MAP4: variants seen among roughly 807,000 people sequenced by gnomAD.
MAP4 encodes the protein microtubule-associated protein 4.
A neutral mutation model predicts 170.2 loss-of-function variants in MAP4; 76 were observed. The ratio of observed to expected loss-of-function variants is 0.45; its 90% CI spans 0.37 to 0.54. The LOEUF (loss-of-function observed/expected upper bound fraction) is 0.54. Among genes scored for constraint, MAP4 ranks in the 20% least tolerant of loss-of-function variants. The probability of loss-of-function intolerance (pLI) is 0.00; values close to 1 mark genes in which losing one functional copy is unlikely to be tolerated. For synonymous variants in MAP4, 909 were observed against 994.5 expected (o/e 0.91, Z 1.62); for missense variants, 2,506 against 2,748.0 (o/e 0.91, Z 1.97).
intron 1 of MAP4, among the ~76,000 whole-genome samples, chr3:48,042,979 T>A (rs780437120): frequency 3.3e-5 from 5 of 152,196 alleles, no homozygotes; most frequent in Non-Finnish European, 7.3e-5. Context: ...GGGTTTATTG[T>A]ATTAGGGAGT....
chr3:48,079,725 C>T (rs2100145645), intron 1 of MAP4, among the ~76,000 whole-genome samples: 1 of 151,868 alleles, frequency 6.6e-6, no homozygotes, highest in Non-Finnish European at 1.5e-5. Flanking sequence ...CCAAGGCGGG[C>T]GGATCAAGAG....
At chr3:48,060,678 C>T (rs1271603895) in intron 1 of MAP4, among the ~76,000 whole-genome samples, 1 of 151,694 alleles carries the variant, frequency 6.6e-6, no homozygotes, top group Non-Finnish European at 1.5e-5. Flanking sequence ...CTTTGGGAGG[C>T]CGAGGGAGAT....
At chr3:47,924,348 A>C (rs1165895769) in intron 4 of MAP4, among the ~76,000 whole-genome samples, 1 of 152,164 alleles carries the variant, frequency 6.6e-6, no homozygotes, top group Non-Finnish European at 1.5e-5. Context: ...CTATAGGTTG[A>C]TGACACCTGA....
In MAP4 at chr3:47,997,135, C is replaced by T. The variant is rs570641898; in HGVS notation, c.223+1503G>A. On this transcript the variant is annotated intron_variant, in intron 2 of 20. Coordinates refer to ENST00000683076, the MANE Select transcript of MAP4 (RefSeq NM_001385682.1). Reference sequence around the variant, plus strand: ...CCAAGAGATACAGGACACTATCCAACAATTTAACAAAAATATAATTGGAAT... The same window carrying T: ...CCAAGAGATACAGGACACTATCCAATAATTTAACAAAAATATAATTGGAAT... Among the ~76,000 whole-genome samples the T allele has an allele frequency of 9.3e-5, 14 of 151,234 alleles. No individual in the cohort carries two copies. The South Asian group carries it at 1.5e-3, about 16-fold the overall frequency.
intron 1 of MAP4, among the ~76,000 whole-genome samples, chr3:48,076,822 T>G (rs1008785801): frequency 1.3e-5 from 2 of 152,162 alleles, no homozygotes; most frequent in Admixed American, 1.3e-4. Context: ...CTAGATAAAC[T>G]GGACTTCATC....
chr3:47,905,472 C>A (rs1260685222), intron 9 of MAP4, among the ~76,000 whole-genome samples: 1 of 151,230 alleles, frequency 6.6e-6, no homozygotes, highest in African/African-American at 2.4e-5. Context: ...CGATTATAAA[C>A]ATGATGGTGG....
chr3:47,868,637 T>C (rs1175490738), intron 16 of MAP4, among the ~76,000 whole-genome samples: 1 of 152,186 alleles, frequency 6.6e-6, no homozygotes, highest in Non-Finnish European at 1.5e-5. Flanking sequence ...AAAGAACCTG[T>C]GGTTTCAGCT....
intron 10 of MAP4, among the ~76,000 whole-genome samples, chr3:47,887,713 G>A (rs1308047764): frequency 6.6e-6 from 1 of 152,200 alleles, no homozygotes; most frequent in African/African-American, 2.4e-5. Flanking sequence ...ATCTACCTCA[G>A]GGATTGTAAA....
chr3:47,914,757 C>T, intron 8 of MAP4, 60 bp downstream of exon 8: 31 of 1,598,668 alleles, frequency 1.9e-5, no homozygotes, highest in Non-Finnish European at 2.6e-5. Flanking sequence ...CAATGTCTAC[C>T]ATCACTACTC....
chr3:47,895,822 A>T (rs770699131), intron 10 of MAP4, among the ~76,000 whole-genome samples: 1 of 152,268 alleles, frequency 6.6e-6, no homozygotes, highest in Non-Finnish European at 1.5e-5. Context: ...AGCAGAAACC[A>T]GAAGAATGAA....
intron 2 of MAP4, among the ~76,000 whole-genome samples, chr3:47,982,837 A>G (rs568404933): frequency 6.3e-4 from 96 of 152,230 alleles, no homozygotes; most frequent in South Asian, 2.5e-3. Context: ...CAAAGAATAA[A>G]GTCTTAAAAG....
In MAP4 at chr3:47,905,837, A is replaced by G. The variant is rs1198675763; in HGVS notation, c.5384-2837T>C. On this transcript the variant is annotated intron_variant, in intron 9 of 20. Transcript: ENST00000683076. ...AGTGAAACCCAGCTCTACTAAAAAT[A>G]CAAAAAATTAGCTGAGCGTGGTGGT... is the stretch of plus-strand genomic sequence containing the variant. 2.0e-5 allele frequency among the ~76,000 whole-genome samples: 3 copies of G among 152,196 alleles called. No individual in the cohort carries two copies. In the East Asian group the frequency reaches 5.8e-4, roughly 29 times the overall value.
At chr3:47,869,485 TA>T (rs1180363298) in intron 15 of MAP4, among the ~76,000 whole-genome samples, 158 bp from the exon 16 acceptor site, 2 of 151,972 alleles carry the variant, frequency 1.3e-5, no homozygotes, top group Non-Finnish European at 2.9e-5. Context: ...TTTCCCAGGG[TA>T]GACCAAGTCA....
At chr3:47,924,677 G>A (rs1172488203) in intron 4 of MAP4, among the ~76,000 whole-genome samples, 1 of 152,166 alleles carries the variant, frequency 6.6e-6, no homozygotes, top group East Asian at 1.9e-4. Flanking sequence ...CCTGACTGGG[G>A]CTGCAGAACC....
Position 47,916,731 on chromosome 3 carries a change from G to A in MAP4, c.1096C>T (p.Pro366Ser), listed in dbSNP as rs1393499014. ...RASPIKMDLA[P>S]SKDMGPPKEN... ...TTGGGTGGTCCCATGTCCTTGGAAG[G>A]GGCTAAGTCCATTTTTATAGGAGAT... Residue 366 changes from proline to serine, a missense_variant, in exon 7 of 21, where the codon CCT becomes TCT. By Grantham distance (74) the Pro-to-Ser change is moderately conservative. Transcript: ENST00000683076. 1.2e-6 allele frequency: 2 copies of A among 1,613,820 alleles called. No homozygotes were observed. Among genetic ancestry groups the A allele is most frequent in the Admixed American group, 1.7e-5 (1 of 59,990 alleles).
intron 5 of MAP4, among the ~76,000 whole-genome samples, chr3:47,919,916 TTTGTTG>T (rs34455536): frequency 5.7e-4 from 86 of 151,166 alleles, no homozygotes; most frequent in East Asian, 9.7e-4. Context: ...TTGTAGCAGT[TTTGTTG>T]TTGTTGTTGT....
chr3:47,914,774 C>T (rs779658958), intron 8 of MAP4, 43 bp downstream of exon 8: 28 of 1,612,384 alleles, frequency 1.7e-5, no homozygotes, highest in Non-Finnish European at 2.2e-5. Context: ...ACTCTATCGC[C>T]CCTAATTTGT....
chr3:47,941,472 A>C (rs1377385900), intron 3 of MAP4, among the ~76,000 whole-genome samples: 1 of 152,020 alleles, frequency 6.6e-6, no homozygotes, highest in Non-Finnish European at 1.5e-5. Context: ...CAGACATTAA[A>C]AAGATTTTTA....
chr3:47,905,337 T>C (rs961724184), intron 9 of MAP4, among the ~76,000 whole-genome samples: 2 of 152,130 alleles, frequency 1.3e-5, no homozygotes, highest in African/African-American at 2.4e-5. Flanking sequence ...GCTAGCCCTA[T>C]TAGATATTAA....
Sources: allele counts gnomAD v4.1 joint callset (sites outside exome capture counted in the v4.1 genomes callset), GRCh38; gene constraint gnomAD v4.1.1; transcripts MANE v1.5; gene names NCBI Gene and HGNC (gene_info 2026-07-23, HGNC 2026-07-21).